MACROD2: variants seen among roughly 807,000 people sequenced by gnomAD.
The protein encoded by MACROD2 is ADP-ribose glycohydrolase MACROD2.
A neutral mutation model predicts 70.4 loss-of-function variants in MACROD2; 36 were observed. The observed-to-expected ratio is 0.51, with a 90% CI of 0.39 to 0.68. The LOEUF is 0.68. Among genes scored for constraint, MACROD2 ranks in the 30% least tolerant of loss-of-function variants. MACROD2 has a pLI of 0.00. For missense variants in MACROD2, 496 were observed against 538.4 expected, an observed-to-expected ratio of 0.92 and a Z score of 0.78; for synonymous variants, 172 against 178.8, an observed-to-expected ratio of 0.96 and a Z score of 0.30.
chr20:14,195,891 C>T (rs2081427417), intron 3 of MACROD2, among the ~76,000 whole-genome samples: 1 of 152,184 alleles, frequency 6.6e-6, no homozygotes. Context: ...TTCCAGGACA[C>T]CAAGGCCAGA....
chr20:14,044,400 CCA>C (rs746528014), intron 2 of MACROD2, among the ~76,000 whole-genome samples: 8 of 152,120 alleles, frequency 5.3e-5, no homozygotes, highest in Non-Finnish European at 7.4e-5. Flanking sequence ...AACAAAGCTT[CCA>C]CAGTGTGGAA....
At chr20:15,233,983 T>TATATATATATATATA (rs2076984620) in intron 6 of MACROD2, among the ~76,000 whole-genome samples, 15 of 44,002 alleles carry the variant, frequency 3.4e-4, no homozygotes, top group African/African-American at 1.2e-3. Flanking sequence ...ATATATTTAT[T>TATATATATATATATA]TATATATATA....
intron 2 of MACROD2, among the ~76,000 whole-genome samples, chr20:14,006,564 T>A (rs987799964): frequency 6.6e-5 from 10 of 152,228 alleles, no homozygotes; most frequent in Non-Finnish European, 1.5e-4. Flanking sequence ...TAATTAAATA[T>A]CCACTTAGTA....
Position 15,382,958 on chromosome 20 carries a change from G to T in MACROD2, c.541-48447G>T, listed in dbSNP as rs6135402. ...ACTGCAAATATGTAAGAGCAAAGAA[G>T]ACTTCAGGTGAACTCTAGATTTTTA... is the stretch of plus-strand genomic sequence containing the variant. On this transcript the variant is annotated intron_variant, in intron 6 of 17. Transcript: ENST00000684519. 1.3e-3 allele frequency among the ~76,000 whole-genome samples: 199 copies of T among 152,314 alleles called. No individual in the cohort carries two copies. The East Asian group carries it at 0.035, about 27-fold the overall frequency.
At chr20:14,937,573 T>C (rs1327969310) in intron 5 of MACROD2, among the ~76,000 whole-genome samples, 1 of 152,050 alleles carries the variant, frequency 6.6e-6, no homozygotes, top group East Asian at 1.9e-4. Context: ...TTTATTTTTT[T>C]GAGGTAACAT....
chr20:14,790,394 G>A (rs1334199300), intron 5 of MACROD2, among the ~76,000 whole-genome samples: 1 of 152,086 alleles, frequency 6.6e-6, no homozygotes, highest in Non-Finnish European at 1.5e-5. Flanking sequence ...AGGAGTTGCT[G>A]AAAAGGATTA....
intron 3 of MACROD2, among the ~76,000 whole-genome samples, chr20:14,345,693 G>A (rs2083056805): frequency 6.6e-6 from 1 of 152,008 alleles, no homozygotes; most frequent in South Asian, 2.1e-4. Context: ...GCCTCCCAAA[G>A]TGCTGGGATT....
intron 12 of MACROD2, among the ~76,000 whole-genome samples, chr20:15,952,868 A>G (rs2065925049): frequency 6.6e-6 from 1 of 152,110 alleles, no homozygotes; most frequent in Non-Finnish European, 1.5e-5. Flanking sequence ...TGAATAATAG[A>G]TTTGCATCTA....
chr20:14,508,849 A>T (rs2084997979), intron 4 of MACROD2, among the ~76,000 whole-genome samples: 1 of 152,262 alleles, frequency 6.6e-6, no homozygotes, highest in South Asian at 2.1e-4. Context: ...TATTTGTCCT[A>T]TCTTGTATCT....
At chr20:14,696,918 A>G (rs4814318) in intron 5 of MACROD2, among the ~76,000 whole-genome samples, 4,853 of 152,202 alleles carry the variant, frequency 0.032, 107 homozygotes, top group Non-Finnish European at 0.046. Context: ...TGTTACTCCT[A>G]TACTTAGTAC....
chr20:14,306,743 A>G (rs1351980505), intron 3 of MACROD2, among the ~76,000 whole-genome samples: 1 of 152,112 alleles, frequency 6.6e-6, no homozygotes, highest in Non-Finnish European at 1.5e-5. Context: ...CTGAGAGCAA[A>G]CAAGATCCTA....
intron 10 of MACROD2, among the ~76,000 whole-genome samples, chr20:15,921,218 AT>A (rs2065400427): frequency 6.6e-6 from 1 of 152,018 alleles, no homozygotes; most frequent in South Asian, 2.1e-4. Context: ...TCCCCACTCC[AT>A]TCGTTGTCTG....
At chr20:15,715,792 T>G (rs1199198154) in intron 8 of MACROD2, among the ~76,000 whole-genome samples, 1 of 152,156 alleles carries the variant, frequency 6.6e-6, no homozygotes, top group Admixed American at 6.6e-5. Context: ...TGCCAAGCCC[T>G]AATCGAAGTG....
intron 5 of MACROD2, among the ~76,000 whole-genome samples, chr20:14,960,232 T>G (rs1025664373): frequency 6.6e-6 from 1 of 152,178 alleles, no homozygotes; most frequent in Non-Finnish European, 1.5e-5. Context: ...TCTTCCCTCC[T>G]CAGCCAGTTC....
At chr20:14,661,769 G>A (rs768510744) in intron 4 of MACROD2, among the ~76,000 whole-genome samples, 3 of 150,926 alleles carry the variant, frequency 2.0e-5, no homozygotes, top group Non-Finnish European at 2.9e-5. Context: ...ATAAATGTAT[G>A]AATTTGAGCA....
At chr20:14,643,015 A>T (rs1483160451) in intron 4 of MACROD2, among the ~76,000 whole-genome samples, 2 of 152,202 alleles carry the variant, frequency 1.3e-5, no homozygotes, top group Non-Finnish European at 2.9e-5. Context: ...AATAAAAAAT[A>T]GAATAAAATC....
At chr20:14,345,865 C>T (rs949576187) in intron 3 of MACROD2, among the ~76,000 whole-genome samples, 2 of 151,802 alleles carry the variant, frequency 1.3e-5, no homozygotes, top group African/African-American at 4.8e-5. Context: ...ACTTTGATCA[C>T]GAGGTCAAGA....
intron 5 of MACROD2, among the ~76,000 whole-genome samples, chr20:15,089,200 A>G (rs1442472155): frequency 6.6e-6 from 1 of 152,184 alleles, no homozygotes; most frequent in Non-Finnish European, 1.5e-5. Flanking sequence ...AGTCCCAACT[A>G]GGAAATACAA....
At chr20:15,102,609 C>T (rs1177904389) in intron 5 of MACROD2, among the ~76,000 whole-genome samples, 1 of 151,916 alleles carries the variant, frequency 6.6e-6, no homozygotes, top group Non-Finnish European at 1.5e-5. Context: ...TTTTGTAAAA[C>T]AATATTTTCC....
Sources: allele counts gnomAD v4.1 joint callset (sites outside exome capture counted in the v4.1 genomes callset), GRCh38; gene constraint gnomAD v4.1.1; transcripts MANE v1.5; gene names NCBI Gene and HGNC (gene_info 2026-07-23, HGNC 2026-07-21).